The following CCDC85A variants were observed in gnomAD, a reference collection of about 807,000 sequenced individuals.
CCDC85A encodes coiled-coil domain-containing protein 85A.
In CCDC85A, 38 loss-of-function variants were observed where a neutral mutation model predicts 50.2. The observed-to-expected ratio is 0.76, with a 90% CI of 0.58 to 0.99. The LOEUF is 0.99. CCDC85A is among the 50% of genes least tolerant of loss of function. The pLI is 0.00. For synonymous variants in CCDC85A, 366 were observed against 301.4 expected (o/e 1.21, Z -2.22); for missense variants, 820 against 742.0 (o/e 1.11, Z -1.22).
intron 5 of CCDC85A, among the ~76,000 whole-genome samples, chr2:56,376,985 A>C (rs1676366060): frequency 6.6e-6 from 1 of 152,238 alleles, no homozygotes; most frequent in African/African-American, 2.4e-5. Flanking sequence ...TGAGAACTTC[A>C]AAATGTTTAT....
At chr2:56,246,068 G>T (rs1669496761) in intron 2 of CCDC85A, among the ~76,000 whole-genome samples, 1 of 152,198 alleles carries the variant, frequency 6.6e-6, no homozygotes, top group South Asian at 2.1e-4. Context: ...GGGATTACAG[G>T]CATGTGCCAC....
In CCDC85A at chr2:56,366,347, A is replaced by G. The variant is rs566642923; in HGVS notation, c.1318-5997A>G. 8.5e-5 allele frequency among the ~76,000 whole-genome samples: 13 copies of G among 152,286 alleles called. No homozygotes were observed. In the South Asian group the frequency reaches 2.7e-3, roughly 32 times the overall value. ...GGAACTTCATACTGTTTTCCATAAT[A>G]GCTATACTTATTTGCATTCCCACCA... On this transcript the variant is annotated intron_variant, in intron 3 of 5. Coordinates refer to ENST00000407595, the MANE Select transcript of CCDC85A (RefSeq NM_001080433.2).
At chr2:56,368,442 T>C (rs1675913185) in intron 3 of CCDC85A, among the ~76,000 whole-genome samples, 1 of 152,142 alleles carries the variant, frequency 6.6e-6, no homozygotes, top group South Asian at 2.1e-4. Context: ...GAACAAAATA[T>C]TATTTCCCTG....
At position 56,342,887 on chromosome 2, in the gene CCDC85A, T is replaced by G. The variant is rs2104323406; in HGVS notation, c.1249T>G (p.Leu417Val). The G allele has an allele frequency of 6.3e-7, 1 of 1,587,574 alleles. No individual in the cohort carries two copies. Among genetic ancestry groups the G allele is most frequent in the Middle Eastern group, 1.7e-4 (1 of 6,024 alleles). ...TTTCTTTTTAATTTTAGAATCAACC[T>G]TGTCCTATGTTAGGCAGCTGGAGGC... ...NVYSGMNEST[L>V]SYVRQLEARV... The change falls in exon 3 of 6, where the codon TTG (leucine) becomes GTG (valine). Residue 417 changes from leucine to valine, a missense_variant. By Grantham distance (32) the Leu-to-Val change is conservative. Coordinates refer to ENST00000407595, the MANE Select transcript of CCDC85A (RefSeq NM_001080433.2).
chr2:56,327,341 A>G (rs1673527361), intron 2 of CCDC85A, among the ~76,000 whole-genome samples: 1 of 152,178 alleles, frequency 6.6e-6, no homozygotes, highest in South Asian at 2.1e-4. Context: ...ATGCCTGGAC[A>G]GTCACAGAGT....
At chr2:56,238,888 C>T (rs956920578) in intron 2 of CCDC85A, among the ~76,000 whole-genome samples, 19 of 152,056 alleles carry the variant, frequency 1.2e-4, no homozygotes, top group Admixed American at 1.2e-3. Context: ...TATGGGTCTG[C>T]GATGGACTTT....
Position 56,192,922 on chromosome 2 carries a change from G to C in CCDC85A, c.722G>C (p.Arg241Pro). ...SGSPEHLQKP[R>P]SEGSPEHSKH... is the part of the protein sequence containing the mutation. ...AGCCCGGAGCACCTGCAGAAGCCCC[G>C]GAGCGAGGGCAGCCCGGAGCACTCC... is the stretch of plus-strand genomic sequence containing the variant. Residue 241 changes from arginine to proline, a missense_variant, in exon 2 of 6, where the codon CGG becomes CCG. Transcript: ENST00000407595. This position sits in a 1 kb window ranked among gnomAD's most constrained non-coding sequence, Gnocchi z 4.7. The C allele has an allele frequency of 6.2e-7, 1 of 1,612,002 alleles. No homozygotes were observed. The highest frequency in any genetic ancestry group is 8.5e-7 in the Non-Finnish European group (1 of 1,179,338).
At chr2:56,223,494 A>T (rs981894311) in intron 2 of CCDC85A, among the ~76,000 whole-genome samples, 9 of 152,158 alleles carry the variant, frequency 5.9e-5, no homozygotes, top group Non-Finnish European at 8.8e-5. Context: ...AAAACAAATG[A>T]TCCTCAATAA....
At chr2:56,258,747 T>A (rs1315745327) in intron 2 of CCDC85A, among the ~76,000 whole-genome samples, 1 of 152,110 alleles carries the variant, frequency 6.6e-6, no homozygotes, top group Non-Finnish European at 1.5e-5. Flanking sequence ...AGAGATCAGG[T>A]CTGGGTTTGG....
intron 3 of CCDC85A, among the ~76,000 whole-genome samples, chr2:56,369,997 A>G (rs1036179712): frequency 6.6e-6 from 1 of 152,170 alleles, no homozygotes; most frequent in African/African-American, 2.4e-5. Context: ...CAGAGTAAGT[A>G]ATCTATAATT....
At chr2:56,294,151 C>T (rs907052283) in intron 2 of CCDC85A, among the ~76,000 whole-genome samples, 2 of 152,036 alleles carry the variant, frequency 1.3e-5, no homozygotes, top group African/African-American at 4.8e-5. Flanking sequence ...CATGGATGGA[C>T]CTGGAAGCCA....
chr2:56,281,304 G>A lies in CCDC85A; in HGVS notation c.1241-61575G>A, dbSNP rs114451439. On this transcript the variant is annotated intron_variant, in intron 2 of 5. Transcript: ENST00000407595. Reference sequence around the variant, plus strand: ...TAAAAAATATTTTTTCTATTCAAATGTGTACCAATTTGTTTATATACGGTT... The same window carrying A: ...TAAAAAATATTTTTTCTATTCAAATATGTACCAATTTGTTTATATACGGTT... Among the ~76,000 whole-genome samples, 1,140 of 152,198 alleles carry A rather than the reference G, an allele frequency of 7.5e-3. 12 individuals are homozygous for A. The highest frequency in any genetic ancestry group is 0.026 in the African/African-American group (1,093 of 41,518).
chr2:56,244,068 C>G (rs976547452), intron 2 of CCDC85A, among the ~76,000 whole-genome samples: 14 of 152,174 alleles, frequency 9.2e-5, no homozygotes, highest in Non-Finnish European at 1.9e-4. Flanking sequence ...ATAACCACTA[C>G]CTGTCTACTG....
intron 1 of CCDC85A, among the ~76,000 whole-genome samples, chr2:56,186,051 G>A (rs1676028884): frequency 6.6e-6 from 1 of 152,202 alleles, no homozygotes; most frequent in Non-Finnish European, 1.5e-5. Flanking sequence ...AAGAAAGAGT[G>A]GGAAGAGTGG....
chr2:56,331,653 A>G (rs1413339241), intron 2 of CCDC85A, among the ~76,000 whole-genome samples: 1 of 152,206 alleles, frequency 6.6e-6, no homozygotes, highest in African/African-American at 2.4e-5. Context: ...ATTGATTTAT[A>G]TGCAAACCAT....
chr2:56,344,183 G>T (rs1337261658), intron 3 of CCDC85A, among the ~76,000 whole-genome samples: 1 of 152,082 alleles, frequency 6.6e-6, no homozygotes, highest in African/African-American at 2.4e-5. Context: ...AAATATATAT[G>T]ATAAAGTTTA....
At chr2:56,300,809 G>A (rs989040778) in intron 2 of CCDC85A, among the ~76,000 whole-genome samples, 7 of 152,224 alleles carry the variant, frequency 4.6e-5, no homozygotes, top group African/African-American at 1.4e-4. Context: ...AATCTCCCAT[G>A]TGGGAACAGT....
At chr2:56,278,727 C>T (rs190613708) in intron 2 of CCDC85A, among the ~76,000 whole-genome samples, 2 of 152,266 alleles carry the variant, frequency 1.3e-5, no homozygotes, top group African/African-American at 2.4e-5. Flanking sequence ...GTGGCCACCA[C>T]CACGCCCGGC....
At chr2:56,241,243 T>C (rs1296642279) in intron 2 of CCDC85A, among the ~76,000 whole-genome samples, 1 of 152,192 alleles carries the variant, frequency 6.6e-6, no homozygotes, top group Non-Finnish European at 1.5e-5. Context: ...GATACAGACA[T>C]ACAATTTGTA....
Sources: gnomAD v4.1 joint callset for allele counts (sites outside exome capture counted in the v4.1 genomes callset) on GRCh38, gnomAD v4.1.1 for gene constraint, Gnocchi (gnomAD v3.1) non-coding constraint, MANE v1.5 for transcripts, NCBI Gene and HGNC (gene_info 2026-07-23, HGNC 2026-07-21) for gene names.